Variants in ADAMTSL3 observed in about 807,000 individuals in gnomAD.
ADAMTSL3 encodes the protein ADAMTS like 3.
ADAMTSL3 carries 128 observed loss-of-function variants against 201.7 expected under a neutral mutation model. The ratio of observed to expected loss-of-function variants is 0.63; its 90% CI spans 0.55 to 0.73. The LOEUF is 0.73. Ranked by LOEUF, ADAMTSL3 falls within the 30% of genes least tolerant of loss-of-function variation. ADAMTSL3 has a pLI of 0.00. For synonymous variants in ADAMTSL3, 738 were observed against 748.4 expected, an observed-to-expected ratio of 0.99 and a Z score of 0.23; for missense variants, 1,990 against 2,119.6, an observed-to-expected ratio of 0.94 and a Z score of 1.20.
At chr15:83,905,493 A>C (rs535447181) in intron 15 of ADAMTSL3, among the ~76,000 whole-genome samples, 211 of 152,260 alleles carry the variant, frequency 1.4e-3, no homozygotes, top group Middle Eastern at 0.01. Flanking sequence ...GGGGAGCAGT[A>C]ATGGCAGCAA....
intron 3 of ADAMTSL3, among the ~76,000 whole-genome samples, chr15:83,738,819 C>T (rs2062408119): frequency 6.6e-6 from 1 of 151,898 alleles, no homozygotes; most frequent in Admixed American, 6.6e-5. Flanking sequence ...TCTCTTGAAC[C>T]CAGGAGGTGG....
chr15:83,787,876 C>G (rs2063289295), intron 4 of ADAMTSL3, among the ~76,000 whole-genome samples: 1 of 151,970 alleles, frequency 6.6e-6, no homozygotes, highest in African/African-American at 2.4e-5. Flanking sequence ...TCTTCCAGTC[C>G]CATACCCCAG....
chr15:83,808,479 C>T (rs1045771767), intron 5 of ADAMTSL3, among the ~76,000 whole-genome samples: 1 of 152,086 alleles, frequency 6.6e-6, no homozygotes, highest in Admixed American at 6.6e-5. Flanking sequence ...ACAAAAGACA[C>T]AAGTGTTCCT....
chr15:83,965,420 A>T (rs2067063685), intron 19 of ADAMTSL3, among the ~76,000 whole-genome samples: 2 of 151,904 alleles, frequency 1.3e-5, no homozygotes, highest in Admixed American at 1.3e-4. Flanking sequence ...ACCAACAAAG[A>T]TCAAAAAATA....
intron 16 of ADAMTSL3, among the ~76,000 whole-genome samples, chr15:83,919,890 A>G (rs1416831390): frequency 6.6e-6 from 1 of 152,110 alleles, no homozygotes; most frequent in Non-Finnish European, 1.5e-5. Context: ...GCTAGTGAGG[A>G]TATGAGAGTA....
At chr15:83,992,479 G>A (rs539381314) in intron 23 of ADAMTSL3, among the ~76,000 whole-genome samples, 1 of 152,282 alleles carries the variant, frequency 6.6e-6, no homozygotes, top group African/African-American at 2.4e-5. Flanking sequence ...GGCATTCTCT[G>A]GCCATAGCAA....
At chr15:83,665,494 G>C (rs966989329) in intron 2 of ADAMTSL3, among the ~76,000 whole-genome samples, 2 of 152,144 alleles carry the variant, frequency 1.3e-5, no homozygotes, top group African/African-American at 4.8e-5. Flanking sequence ...AGGAGAAAGG[G>C]AGAGATTGAA....
intron 3 of ADAMTSL3, among the ~76,000 whole-genome samples, chr15:83,755,097 A>G (rs1297970066): frequency 2.0e-5 from 3 of 152,188 alleles, no homozygotes; most frequent in Admixed American, 1.3e-4. Context: ...TATGACTTTT[A>G]TAATCCTGTT....
At chr15:83,900,133 G>A (rs1213431748) in intron 15 of ADAMTSL3, among the ~76,000 whole-genome samples, 1 of 152,206 alleles carries the variant, frequency 6.6e-6, no homozygotes, top group African/African-American at 2.4e-5. Flanking sequence ...TTAGTCGCCT[G>A]AGTGATCATA....
chr15:83,964,095 C>T (rs1339703556), intron 19 of ADAMTSL3, among the ~76,000 whole-genome samples: 3 of 152,124 alleles, frequency 2.0e-5, no homozygotes, highest in South Asian at 4.2e-4. Context: ...CTGAAAATTC[C>T]AAAAACCAGA....
In ADAMTSL3 at chr15:84,019,892, C is replaced by CAA. The variant is rs1219615275; in HGVS notation, c.4274-1500_4274-1499dup. ...TGGGTGACAGAGTGAGACTCTGTCT[C>CAA]AAAAAAAAAAAAAAAAAAAGAAACC... On this transcript the variant is annotated intron_variant, in intron 25 of 29. Transcript: ENST00000286744. Among the ~76,000 whole-genome samples, 120 of 64,982 alleles carry CAA rather than the reference C, an allele frequency of 1.8e-3. 2 individuals are homozygous for CAA. Among genetic ancestry groups the CAA allele is most frequent in the Middle Eastern group, 7.1e-3 (1 of 140 alleles). The allele number at this position is 64,982 out of a possible 152,430, so 42.6% of individuals were successfully genotyped here. A position where few individuals can be genotyped will look rare whatever the true frequency, so the allele number is the denominator to read the frequency against.
At chr15:83,685,744 G>T (rs143235841) in intron 2 of ADAMTSL3, among the ~76,000 whole-genome samples, 131 of 152,226 alleles carry the variant, frequency 8.6e-4, no homozygotes, top group Middle Eastern at 3.4e-3. Context: ...TTTCTCAAAC[G>T]GAGATGATAC....
At chr15:83,948,323 C>T (rs1024289731) in intron 19 of ADAMTSL3, among the ~76,000 whole-genome samples, 1 of 151,634 alleles carries the variant, frequency 6.6e-6, no homozygotes. Flanking sequence ...GTATTTACAC[C>T]ACAGAAACTG....
At chr15:83,868,376 C>CT (rs375502646) in intron 8 of ADAMTSL3, among the ~76,000 whole-genome samples, 2 of 152,144 alleles carry the variant, frequency 1.3e-5, no homozygotes, top group Non-Finnish European at 2.9e-5. Flanking sequence ...CCACAAACTC[C>CT]TTTTTTTGTC....
chr15:83,680,371 A>G (rs8026130), intron 2 of ADAMTSL3, among the ~76,000 whole-genome samples: 30,436 of 151,896 alleles, frequency 0.2, 4,522 homozygotes, highest in African/African-American at 0.41. Context: ...GTTTAGTTGT[A>G]TTTGGGTGAT....
intron 4 of ADAMTSL3, among the ~76,000 whole-genome samples, chr15:83,795,769 T>C (rs1056123500): frequency 1.8e-4 from 27 of 152,170 alleles, no homozygotes; most frequent in African/African-American, 6.0e-4. Flanking sequence ...GAAATTAATA[T>C]GAAAATTGAT....
At chr15:83,663,201 T>A (rs561822992) in intron 2 of ADAMTSL3, among the ~76,000 whole-genome samples, 1 of 152,314 alleles carries the variant, frequency 6.6e-6, no homozygotes, top group East Asian at 1.9e-4. Flanking sequence ...TCAGTTCTCC[T>A]TTCCTTGTTC....
intron 3 of ADAMTSL3, among the ~76,000 whole-genome samples, chr15:83,748,408 G>A (rs559400713): frequency 1.3e-5 from 2 of 152,248 alleles, no homozygotes; most frequent in South Asian, 4.2e-4. Context: ...TATACTCTGG[G>A]AGGCCAAGGT....
At chr15:84,031,265 A>T in intron 27 of ADAMTSL3, 70 bp from the exon 28 acceptor site, 1 of 1,467,868 alleles carries the variant, frequency 6.8e-7, no homozygotes, top group Non-Finnish European at 9.5e-7. Flanking sequence ...CTGCCTCAGT[A>T]CATGATCTTA....
Sources: gnomAD v4.1 joint callset for allele counts (sites outside exome capture counted in the v4.1 genomes callset) on GRCh38, gnomAD v4.1.1 for gene constraint, MANE v1.5 for transcripts, NCBI Gene and HGNC (gene_info 2026-07-23, HGNC 2026-07-21) for gene names.